Variants in DACH1 observed in about 807,000 individuals in gnomAD.
The protein encoded by DACH1 is dachshund homolog 1.
DACH1 carries 12 observed loss-of-function variants against 54.2 expected under a neutral mutation model. The ratio of observed to expected loss-of-function variants is 0.22; its 90% CI spans 0.14 to 0.36. The LOEUF (loss-of-function observed/expected upper bound fraction) is 0.36. Among genes scored for constraint, DACH1 ranks in the 10% least tolerant of loss-of-function variants. DACH1 has a pLI of 1.00. For synonymous variants in DACH1, 386 were observed against 366.2 expected (o/e 1.05, Z -0.62); for missense variants, 805 against 929.8 (o/e 0.87, Z 1.75).
chr13:71,848,905 T>C (rs1873474993), intron 1 of DACH1, among the ~76,000 whole-genome samples: 1 of 152,120 alleles, frequency 6.6e-6, no homozygotes, highest in Non-Finnish European at 1.5e-5. Flanking sequence ...TTCACAACCT[T>C]CTGAAATAAG....
chr13:71,784,158 A>G (rs1379218782), intron 1 of DACH1, among the ~76,000 whole-genome samples: 1 of 152,028 alleles, frequency 6.6e-6, no homozygotes, highest in Non-Finnish European at 1.5e-5. Flanking sequence ...AAGGACCTGA[A>G]TAAATCGATA....
intron 1 of DACH1, among the ~76,000 whole-genome samples, chr13:71,849,308 G>A: frequency 6.6e-6 from 1 of 152,150 alleles, no homozygotes; most frequent in East Asian, 1.9e-4. Context: ...ATGCCTCTGA[G>A]ATGTGAAACA....
At chr13:71,649,466 A>G (rs937015136) in intron 2 of DACH1, among the ~76,000 whole-genome samples, 1 of 152,102 alleles carries the variant, frequency 6.6e-6, no homozygotes. Context: ...GACAACAACA[A>G]CATGTTGTAG....
intron 2 of DACH1, among the ~76,000 whole-genome samples, chr13:71,660,076 G>A (rs1594062064): frequency 6.6e-6 from 1 of 152,078 alleles, no homozygotes; most frequent in African/African-American, 2.4e-5. Flanking sequence ...ACCTAATGAT[G>A]CAAACAGCAT....
At chr13:71,712,559 C>T (rs187709569) in intron 1 of DACH1, among the ~76,000 whole-genome samples, 2 of 152,158 alleles carry the variant, frequency 1.3e-5, no homozygotes, top group African/African-American at 4.8e-5. Flanking sequence ...AGGTTGTAGT[C>T]TAAAGTTCAG....
chr13:71,768,962 C>G (rs1885745444), intron 1 of DACH1, among the ~76,000 whole-genome samples: 1 of 151,790 alleles, frequency 6.6e-6, no homozygotes, highest in Admixed American at 6.6e-5. Context: ...TATTACACTA[C>G]TTTATCTTGA....
At chr13:71,767,097 T>A (rs1885666706) in intron 1 of DACH1, among the ~76,000 whole-genome samples, 2 of 152,048 alleles carry the variant, frequency 1.3e-5, no homozygotes, top group African/African-American at 4.8e-5. Flanking sequence ...AATTACTTAG[T>A]CATTGGCAAA....
chr13:71,795,968 A>T (rs1887030063), intron 1 of DACH1, among the ~76,000 whole-genome samples: 1 of 152,176 alleles, frequency 6.6e-6, no homozygotes, highest in Non-Finnish European at 1.5e-5. Flanking sequence ...TATCTAAGAG[A>T]GCGTTATGAG....
intron 1 of DACH1, among the ~76,000 whole-genome samples, chr13:71,685,956 C>T (rs892688729): frequency 6.6e-6 from 1 of 152,088 alleles, no homozygotes. Flanking sequence ...AAAACAAAAA[C>T]TTAACTGAAA....
intron 6 of DACH1, among the ~76,000 whole-genome samples, chr13:71,496,512 T>C (rs898668367): frequency 6.6e-6 from 1 of 151,644 alleles, no homozygotes; most frequent in South Asian, 2.1e-4. Context: ...AGCTAAGTAA[T>C]GTGTACAAGG....
chr13:71,658,115 G>C (rs1439043211), intron 2 of DACH1, among the ~76,000 whole-genome samples: 2 of 151,938 alleles, frequency 1.3e-5, no homozygotes, highest in African/African-American at 4.8e-5. Context: ...GTGACTAAAA[G>C]GCATAATGTT....
chr13:71,613,254 T>C (rs372019840), intron 3 of DACH1, among the ~76,000 whole-genome samples: 1 of 152,320 alleles, frequency 6.6e-6, no homozygotes, highest in East Asian at 1.9e-4. Flanking sequence ...GGACGTAGTC[T>C]GTTTGAGAAA....
At chr13:71,476,987 C>T (rs1054666996) in intron 8 of DACH1, among the ~76,000 whole-genome samples, 3 of 142,158 alleles carry the variant, frequency 2.1e-5, no homozygotes, top group Non-Finnish European at 3.0e-5. Flanking sequence ...AGAACAGCAA[C>T]ATTTTTAAAG....
At chr13:71,491,188 A>G (rs1593778709) in intron 6 of DACH1, among the ~76,000 whole-genome samples, 2 of 152,290 alleles carry the variant, frequency 1.3e-5, no homozygotes, top group South Asian at 2.1e-4. Context: ...AACATAAACA[A>G]TGTGCTGGAT....
chr13:71,556,558 T>C (rs1336572587), intron 6 of DACH1, among the ~76,000 whole-genome samples: 1 of 152,162 alleles, frequency 6.6e-6, no homozygotes, highest in Admixed American at 6.6e-5. Context: ...TGAGGTTTCT[T>C]GGTATATCTT....
chr13:71,735,486 TGGGATATACACGTATAC>T (rs1282923601), intron 1 of DACH1, among the ~76,000 whole-genome samples: 2 of 21,234 alleles, frequency 9.4e-5, no homozygotes, highest in African/African-American at 1.8e-4. Context: ...TACGTGTATA[TGGGATATACACGTATAC>T]GGGATATACG....
chr13:71,527,968 A>G (rs113655643), intron 6 of DACH1, among the ~76,000 whole-genome samples: 1 of 152,094 alleles, frequency 6.6e-6, no homozygotes, highest in Non-Finnish European at 1.5e-5. Context: ...ATATAACCAT[A>G]TAACAGTTCA....
chr13:71,715,673 T>C (rs1479323819), intron 1 of DACH1, among the ~76,000 whole-genome samples: 2 of 151,882 alleles, frequency 1.3e-5, no homozygotes, highest in Non-Finnish European at 2.9e-5. Context: ...TAATGCAGAG[T>C]ATTTCCAATG....
intron 1 of DACH1, among the ~76,000 whole-genome samples, chr13:71,735,769 C>G (rs1884086546): frequency 1.3e-5 from 2 of 151,316 alleles, no homozygotes; most frequent in African/African-American, 4.9e-5. Context: ...GGGAAAGAGT[C>G]CAATTATTTT....
Sources: allele counts gnomAD v4.1 joint callset (sites outside exome capture counted in the v4.1 genomes callset), GRCh38; gene constraint gnomAD v4.1.1; transcripts MANE v1.5; gene names NCBI Gene and HGNC (gene_info 2026-07-23, HGNC 2026-07-21).